SLC24A2: variants seen among roughly 807,000 people sequenced by gnomAD.
The protein encoded by SLC24A2 is solute carrier family 24 member 2.
Under a neutral mutation model 62.0 loss-of-function variants are expected in SLC24A2, and 36 were observed. That is an observed-to-expected ratio of 0.58 (90% confidence interval 0.44 to 0.77). The LOEUF is 0.77. Among genes scored for constraint, SLC24A2 ranks in the 30% least tolerant of loss-of-function variants. The pLI, the probability that SLC24A2 is intolerant of heterozygous loss-of-function variation, is 0.00. For synonymous variants in SLC24A2, 358 were observed against 294.0 expected (o/e 1.22, Z -2.23); for missense variants, 846 against 817.9 (o/e 1.03, Z -0.42).
the SLC24A2 span, among the ~76,000 whole-genome samples, chr9:20,233,436 A>G: frequency 6.6e-6 from 1 of 152,128 alleles, no homozygotes; most frequent in Admixed American, 6.5e-5. Context: ...TATATTTAGG[A>G]TAGTTAGCTC....
chr9:19,972,429 A>T, the SLC24A2 span, among the ~76,000 whole-genome samples: 2 of 152,172 alleles, frequency 1.3e-5, no homozygotes, highest in Non-Finnish European at 2.9e-5. Context: ...TGTGCCAGGC[A>T]GTTTTGTAAG....
At chr9:19,774,469 T>C (rs1822785014) in intron 2 of SLC24A2, among the ~76,000 whole-genome samples, 1 of 152,200 alleles carries the variant, frequency 6.6e-6, no homozygotes, top group African/African-American at 2.4e-5. Flanking sequence ...GTTCCTGGAA[T>C]ACACCAATAT....
chr9:19,735,695 C>A (rs1156822020), intron 2 of SLC24A2, among the ~76,000 whole-genome samples: 1 of 152,102 alleles, frequency 6.6e-6, no homozygotes, highest in Non-Finnish European at 1.5e-5. Flanking sequence ...ATGATGAGTT[C>A]ATGTCCTTTG....
chr9:19,607,444 C>T (rs1837017177), intron 4 of SLC24A2, among the ~76,000 whole-genome samples: 2 of 151,972 alleles, frequency 1.3e-5, no homozygotes, highest in Non-Finnish European at 2.9e-5. Context: ...GGGCAGGGTG[C>T]AGTGGCTCAC....
intron 2 of SLC24A2, among the ~76,000 whole-genome samples, chr9:19,775,051 G>A (rs575421899): frequency 6.6e-6 from 1 of 152,200 alleles, no homozygotes; most frequent in Non-Finnish European, 1.5e-5. Flanking sequence ...CAGTGTCTGG[G>A]ATGAAAGGGA....
chr9:20,139,099 T>G, the SLC24A2 span, among the ~76,000 whole-genome samples: 1 of 152,226 alleles, frequency 6.6e-6, no homozygotes, highest in Non-Finnish European at 1.5e-5. Flanking sequence ...AGCTGAGAAC[T>G]CAGAGGCTGC....
intron 2 of SLC24A2, among the ~76,000 whole-genome samples, chr9:19,680,605 C>CATATATATATATATATAT (rs3086327): frequency 8.8e-5 from 13 of 147,682 alleles, no homozygotes; most frequent in Admixed American, 2.7e-4. Context: ...AGTTCTATAA[C>CATATATATATATATATAT]ATATATATAT....
the SLC24A2 span, among the ~76,000 whole-genome samples, chr9:20,307,055 T>C: frequency 2.6e-5 from 4 of 152,204 alleles, no homozygotes; most frequent in Non-Finnish European, 4.4e-5. Context: ...CACCCTGTAA[T>C]TTTACCTACT....
chr9:19,553,653 A>G (rs1369527103), intron 7 of SLC24A2, among the ~76,000 whole-genome samples: 1 of 152,206 alleles, frequency 6.6e-6, no homozygotes, highest in Non-Finnish European at 1.5e-5. Context: ...AGAATCAGGA[A>G]TCCTGAGTTC....
the SLC24A2 span, among the ~76,000 whole-genome samples, chr9:19,818,162 T>C: frequency 1.3e-5 from 2 of 152,048 alleles, no homozygotes; most frequent in African/African-American, 2.4e-5. Context: ...CATTTTAGAG[T>C]CTCCGGCCTT....
the SLC24A2 span, among the ~76,000 whole-genome samples, chr9:20,005,414 AG>A: frequency 2.6e-5 from 4 of 152,172 alleles, no homozygotes; most frequent in African/African-American, 9.7e-5. Context: ...TACATATGTT[AG>A]CTTGTTTAAT....
the SLC24A2 span, among the ~76,000 whole-genome samples, chr9:19,849,677 G>T: frequency 6.6e-6 from 1 of 152,114 alleles, no homozygotes; most frequent in African/African-American, 2.4e-5. Flanking sequence ...CTAGAAATGC[G>T]TCTATTTTTT....
In SLC24A2 at chr9:19,573,297, C is replaced by G. The variant is rs928925384; in HGVS notation, c.1347+54G>C. On this transcript the variant is annotated intron_variant, in intron 7 of 10. Transcript: ENST00000341998. ...AGAATATAGGGTCTGTGCTGCCACGCTAGGATATCAGTTAAGAACAACAGC... is the reference window on the plus strand; with the variant it reads ...AGAATATAGGGTCTGTGCTGCCACGGTAGGATATCAGTTAAGAACAACAGC... 2.4e-6 allele frequency: 3 copies of G among 1,228,578 alleles called. No homozygotes were observed. The African/African-American group carries it at 4.5e-5, about 18-fold the overall frequency. 76.1% of individuals were successfully genotyped at this position (1,228,578 alleles called of 1,614,324 possible). A position where few individuals can be genotyped will look rare whatever the true frequency, so the allele number is the denominator to read the frequency against.
At chr9:20,054,858 A>G in the SLC24A2 span, among the ~76,000 whole-genome samples, 1 of 152,204 alleles carries the variant, frequency 6.6e-6, no homozygotes, top group African/African-American at 2.4e-5. Flanking sequence ...AGCCACTCTG[A>G]TTAATGTTGC....
the SLC24A2 span, among the ~76,000 whole-genome samples, chr9:20,094,600 C>T: frequency 4.0e-5 from 6 of 151,866 alleles, no homozygotes; most frequent in East Asian, 1.9e-4. Context: ...GAAAAATCAC[C>T]GGTTATTGAT....
chr9:19,816,991 A>G, the SLC24A2 span, among the ~76,000 whole-genome samples: 22 of 152,176 alleles, frequency 1.4e-4, no homozygotes, highest in Non-Finnish European at 2.4e-4. Context: ...GTAGCACTTA[A>G]TAAGTATTCA....
At chr9:20,185,581 C>G in the SLC24A2 span, among the ~76,000 whole-genome samples, 2 of 149,624 alleles carry the variant, frequency 1.3e-5, no homozygotes, top group Non-Finnish European at 3.0e-5. Flanking sequence ...AGGAGAATGG[C>G]GTGAACCCGG....
At chr9:19,560,912 T>TAG (rs1340661882) in intron 7 of SLC24A2, among the ~76,000 whole-genome samples, 5 of 50,152 alleles carry the variant, frequency 1.0e-4, no homozygotes, top group Non-Finnish European at 1.5e-4. Context: ...TATATATATA[T>TAG]ATATAGAGAG....
At chr9:19,562,484 A>G (rs955176074) in intron 7 of SLC24A2, among the ~76,000 whole-genome samples, 1 of 152,224 alleles carries the variant, frequency 6.6e-6, no homozygotes, top group African/African-American at 2.4e-5. Context: ...CAATATTCAA[A>G]TTAAGGCAGA....
Sources: gnomAD v4.1 joint callset for allele counts (sites outside exome capture counted in the v4.1 genomes callset) on GRCh38, gnomAD v4.1.1 for gene constraint, MANE v1.5 for transcripts, NCBI Gene and HGNC (gene_info 2026-07-23, HGNC 2026-07-21) for gene names.